Variants in IGSF3 observed in about 807,000 individuals in gnomAD.
IGSF3 encodes glu-Trp-Ile EWI motif-containing protein 3.
A neutral mutation model predicts 114.4 loss-of-function variants in IGSF3; 23 were observed. The ratio of observed to expected loss-of-function variants is 0.20; its 90% CI spans 0.14 to 0.28. The LOEUF is 0.28. Ranked by LOEUF, IGSF3 falls within the 10% of genes least tolerant of loss-of-function variation. The pLI, the probability that IGSF3 is intolerant of heterozygous loss-of-function variation, is 1.00. For synonymous variants in IGSF3, 571 were observed against 645.2 expected (o/e 0.88, Z 1.74); for missense variants, 1,172 against 1,591.5 (o/e 0.74, Z 4.48).
chr1:116,646,747 G>C (rs1430433079), intron 2 of IGSF3: 1 of 152,252 alleles, frequency 6.6e-6, no homozygotes, highest in African/African-American at 2.4e-5. Flanking sequence ...AGCCAGGACA[G>C]CCTGGTAGCT....
intron 2 of IGSF3, among the ~76,000 whole-genome samples, chr1:116,653,743 G>A (rs963196304): frequency 6.6e-6 from 1 of 152,164 alleles, no homozygotes; most frequent in Non-Finnish European, 1.5e-5. Flanking sequence ...TTTCTAAAAT[G>A]AACTCAGGCC....
rs1191027977 is a variant in IGSF3 at position 116,585,012 on chromosome 1, C to T, written c.2481G>A (p.Ser827=). The change falls in exon 9 of 11, where the codon TCG becomes TCA. Residue 827 remains serine, a synonymous_variant. Coordinates refer to ENST00000369486, the MANE Select transcript of IGSF3 (RefSeq NM_001007237.3). This position sits in a 1 kb window ranked among gnomAD's most constrained non-coding sequence, Gnocchi z 4.9. ...GCTGTACCTGCCGGGTCTCCAGAAC[C>T]GACAGGTTCCCCTGGGCTTGGCTGA... The part of the protein sequence containing the change: ...LRLSQAQGNL[S]VLETRQVQLE... 1.8e-5 allele frequency: 28 copies of T among 1,565,148 alleles called. No individual in the cohort carries two copies. The highest frequency in any genetic ancestry group is 2.2e-5 in the Non-Finnish European group (25 of 1,150,020).
rs544451116 is a variant in IGSF3 at position 116,632,873 on chromosome 1, T to G, written c.44-16416A>C. On this transcript the variant is annotated intron_variant, in intron 2 of 10. Coordinates refer to ENST00000369486, the MANE Select transcript of IGSF3 (RefSeq NM_001007237.3). This position sits in a 1 kb window ranked among gnomAD's most constrained non-coding sequence, Gnocchi z 5.1. ...TCTAAATCTCCATGGCTAGGGACAG[T>G]GACATCAGTGTGTTTACCAAGCATT... is the stretch of plus-strand genomic sequence containing the variant. Among the ~76,000 whole-genome samples, 1 of 152,200 alleles carries G rather than the reference T, an allele frequency of 6.6e-6. No individual in the cohort carries two copies. Among genetic ancestry groups the G allele is most frequent in the African/African-American group, 2.4e-5 (1 of 41,454 alleles).
At chr1:116,653,228 T>C (rs552634322) in intron 2 of IGSF3, among the ~76,000 whole-genome samples, 386 of 152,328 alleles carry the variant, frequency 2.5e-3, no homozygotes, top group Non-Finnish European at 4.6e-3. Context: ...AAAAGCCTAC[T>C]TGATTAAAGC....
chr1:116,645,779 C>T (rs1233091140), intron 2 of IGSF3, among the ~76,000 whole-genome samples: 1 of 152,230 alleles, frequency 6.6e-6, no homozygotes, highest in Non-Finnish European at 1.5e-5. Flanking sequence ...GAGTAAGTGG[C>T]TCTAATGATC....
intron 2 of IGSF3, among the ~76,000 whole-genome samples, chr1:116,643,685 A>G (rs751185044): frequency 9.9e-5 from 15 of 152,230 alleles, no homozygotes; most frequent in African/African-American, 3.4e-4. Flanking sequence ...TGCCACGCCC[A>G]TGCTCAGGTG....
chr1:116,604,818 C>A (rs2101454528), intron 5 of IGSF3, among the ~76,000 whole-genome samples: 1 of 152,322 alleles, frequency 6.6e-6, no homozygotes, highest in Admixed American at 6.5e-5. Context: ...ACTTAACTAT[C>A]TGAATTCACT....
At position 116,666,380 on chromosome 1, in the gene IGSF3, T is replaced by G. The variant is rs1203682428; in HGVS notation, c.-54A>C. On this transcript the variant is annotated 5_prime_UTR_variant, in exon 2 of 11. An upstream open reading frame in the 5' UTR loses its in-frame stop. Coordinates refer to ENST00000369486, the MANE Select transcript of IGSF3 (RefSeq NM_001007237.3). ...AGGCGCTTCCTCTTCTCCCAGCTCC[T>G]AATCTCTCATTTCTGGCAATCCACT... 6.5e-7 allele frequency: 1 copy of G among 1,539,690 alleles called. No homozygotes were observed. Among genetic ancestry groups the G allele is most frequent in the Non-Finnish European group, 9.0e-7 (1 of 1,112,242 alleles).
rs1648550769 is a variant in IGSF3, at chr1:116,649,745, C to T, written c.43+16539G>A. 1.3e-5 allele frequency among the ~76,000 whole-genome samples: 2 copies of T among 152,220 alleles called. No individual in the cohort carries two copies. The highest frequency in any genetic ancestry group is 6.5e-5 in the Admixed American group (1 of 15,284). ...TCCTTATCCTTCTTCCCAAGGCCCA[C>T]TTTCATTCCTTTCTCCCCTGTTCAT... On this transcript the variant is annotated intron_variant, in intron 2 of 10. Transcript: ENST00000369486. The surrounding 1 kb of genome is among the most constrained non-coding windows in gnomAD (Gnocchi z 4.5).
chr1:116,623,413 C>T (rs182673835), intron 2 of IGSF3, among the ~76,000 whole-genome samples: 18 of 152,290 alleles, frequency 1.2e-4, no homozygotes, highest in African/African-American at 4.3e-4. Flanking sequence ...TGGCCAGGCA[C>T]GGTGGCTCAT....
At position 116,589,076 on chromosome 1, in the gene IGSF3, C is replaced by T. The variant is rs775250896; in HGVS notation, c.2058G>A (p.Lys686=). 3 of 1,613,948 alleles carry T rather than the reference C, an allele frequency of 1.9e-6. No homozygotes were observed. Among genetic ancestry groups the T allele is most frequent in the Non-Finnish European group, 1.7e-6 (2 of 1,179,868 alleles). The change falls in exon 8 of 11, where the codon AAG becomes AAA. Residue 686 remains lysine, a synonymous_variant. Transcript: ENST00000369486. The surrounding 1 kb of genome is among the most constrained non-coding windows in gnomAD (Gnocchi z 5.7). ...TGTTTTCCACCAGGGTGAGGGTCCT[C>T]TTCGATTTGCTCACCTGCAGCTTTG... ...PVTKLQVSKS[K]RTLTLVENKP...
Position 116,577,376 on chromosome 1 carries a change from A to G in IGSF3, c.3521T>C (p.Leu1174Pro). The change falls in exon 11 of 11, where the codon CTC becomes CCC. Residue 1174 changes from leucine (L) to proline (P), a missense_variant. Coordinates refer to ENST00000369486, the MANE Select transcript of IGSF3 (RefSeq NM_001007237.3). The surrounding 1 kb of genome is among the most constrained non-coding windows in gnomAD (Gnocchi z 5.7). ...VPLLWIKEPH[L>P]NYSPTCLEPP... The stretch of plus-strand genomic sequence containing the variant: ...CTCCAGGCAAGTAGGGGAGTAGTTG[A>G]GGTGTGGCTCTTTGATCCACAGCAG... 6.2e-7 allele frequency: 1 copy of G among 1,614,136 alleles called. No homozygotes were observed. The highest frequency in any genetic ancestry group is 8.5e-7 in the Non-Finnish European group (1 of 1,180,000).
rs1286681963 is a variant in IGSF3, at chr1:116,579,311, C to G, written c.3334+81G>C. 1 of 1,496,704 alleles carries G rather than the reference C, an allele frequency of 6.7e-7. No individual in the cohort carries two copies. Among genetic ancestry groups the G allele is most frequent in the African/African-American group, 1.4e-5 (1 of 71,238 alleles). 92.7% of individuals were successfully genotyped at this position (1,496,704 alleles called of 1,614,324 possible). A position where few individuals can be genotyped will look rare whatever the true frequency, so the allele number is the denominator to read the frequency against. ...GACAGTTAAGAAAACTGTTTATTAA[C>G]CCATAATCAAGCTCAAATTTATCTT... On this transcript the variant is annotated intron_variant, in intron 10 of 10. Transcript: ENST00000369486. The surrounding 1 kb of genome is among the most constrained non-coding windows in gnomAD (Gnocchi z 6.4).
intron 2 of IGSF3, among the ~76,000 whole-genome samples, chr1:116,660,479 C>CTTTTTTTTTTTTTTTTTTTTTTTTTT (rs71274759): frequency 1.0e-5 from 1 of 99,742 alleles, no homozygotes; most frequent in Non-Finnish European, 2.0e-5. Context: ...GTATGCTTTT[C>CTTTTTTTTTTTTTTTTTTTTTTTTTT]TTTTTTTTTT....
chr1:116,606,941 T>C (rs548830162), intron 5 of IGSF3, among the ~76,000 whole-genome samples: 40 of 152,196 alleles, frequency 2.6e-4, no homozygotes, highest in Non-Finnish European at 8.8e-5. Flanking sequence ...AATAATCCAG[T>C]TGATGAGAAA....
In IGSF3 at chr1:116,585,168, C is replaced by T. The variant is rs1298390929; in HGVS notation, c.2441-116G>A. 4 of 720,598 alleles carry T rather than the reference C, an allele frequency of 5.6e-6. No homozygotes were observed. The highest frequency in any genetic ancestry group is 1.8e-5 in the African/African-American group (1 of 56,860). The allele number at this position is 720,598 out of a possible 1,614,324, so 44.6% of individuals were successfully genotyped here. On this transcript the variant is annotated intron_variant, in intron 8 of 10. Coordinates refer to ENST00000369486, the MANE Select transcript of IGSF3 (RefSeq NM_001007237.3). This position sits in a 1 kb window ranked among gnomAD's most constrained non-coding sequence, Gnocchi z 4.9. ...AAATACAGAAGGACGGCAGCACACA[C>T]TCCATTAGGAGAAACGTTTCTCAGA...
At chr1:116,609,306 G>A (rs1326734223) in intron 4 of IGSF3, among the ~76,000 whole-genome samples, 1 of 151,894 alleles carries the variant, frequency 6.6e-6, no homozygotes, top group Non-Finnish European at 1.5e-5. Context: ...GAGTGTAGTG[G>A]CATGATCGTG....
chr1:116,588,712 C>T lies in IGSF3; in HGVS notation c.2422G>A (p.Val808Ile). Residue 808 changes from valine (V) to isoleucine (I), a missense_variant, in exon 8 of 11, where the codon GTC becomes ATC. Physicochemically the swap from Val to Ile is conservative, Grantham distance 29. Around this residue, in one of 3 missense-constraint regions of IGSF3, gnomAD observed 13 missense variants for 39.7 expected, o/e 0.33. Coordinates refer to ENST00000369486, the MANE Select transcript of IGSF3 (RefSeq NM_001007237.3). This position sits in a 1 kb window ranked among gnomAD's most constrained non-coding sequence, Gnocchi z 4.9. ...LAEEVSGRTE[V>I]TVKQPDSRLR... The stretch of plus-strand genomic sequence containing the variant: ...GCCTTACCTGGCTGTTTCACAGTGA[C>T]TTCTGTGCGCCCAGAAACCTCCTCT... 6.2e-7 allele frequency: 1 copy of T among 1,603,668 alleles called. No homozygotes were observed. Among genetic ancestry groups the T allele is most frequent in the Non-Finnish European group, 8.5e-7 (1 of 1,174,404 alleles).
In IGSF3 at chr1:116,582,559, T is replaced by A. The variant is rs916439242; in HGVS notation, c.2848+2086A>T. 6.6e-6 allele frequency among the ~76,000 whole-genome samples: 1 copy of A among 152,246 alleles called. No homozygotes were observed. Among genetic ancestry groups the A allele is most frequent in the African/African-American group, 2.4e-5 (1 of 41,468 alleles). ...TCCTAACAATACTTTTAGAGCTATA[T>A]TATTTCAAGTCTTCCATGTGTTTAA... On this transcript the variant is annotated intron_variant, in intron 9 of 10. Coordinates refer to ENST00000369486, the MANE Select transcript of IGSF3 (RefSeq NM_001007237.3). This position sits in a 1 kb window ranked among gnomAD's most constrained non-coding sequence, Gnocchi z 4.7.
Sources: allele counts gnomAD v4.1 joint callset (sites outside exome capture counted in the v4.1 genomes callset), GRCh38; gene constraint gnomAD v4.1.1; regional missense constraint gnomAD v4.1.1; non-coding constraint Gnocchi (gnomAD v3.1); transcripts MANE v1.5; gene names NCBI Gene and HGNC (gene_info 2026-07-23, HGNC 2026-07-21).